ADGRG4: variants seen among roughly 807,000 people sequenced by gnomAD.
The protein encoded by ADGRG4 is adhesion G protein-coupled receptor G4.
In ADGRG4, 122 loss-of-function variants were observed where a neutral mutation model predicts 126.2. The observed-to-expected ratio is 0.97, with a 90% confidence interval of 0.83 to 1.12. The LOEUF is 1.12. Among genes scored for constraint, ADGRG4 ranks in the 50% most tolerant of loss-of-function variants. ADGRG4 has a pLI of 0.00. For missense variants in ADGRG4, 2,481 were observed against 2,251.8 expected (o/e 1.10, Z -2.06); for synonymous variants, 943 against 838.7 (o/e 1.12, Z -2.15).
At chrX:136,381,665 G>A (rs1229509717) in intron 15 of ADGRG4, among the ~76,000 whole-genome samples, 1 of 110,359 alleles carries the variant, frequency 9.1e-6, no homozygotes, top group Non-Finnish European at 1.9e-5. Flanking sequence ...GAACTAGTAG[G>A]ATATATATGT....
Position 136,347,405 on chromosome X carries a change from A to G in ADGRG4, c.3699A>G (p.Ser1233=), listed in dbSNP as rs1421400449. The G allele has an allele frequency of 8.3e-7, 1 of 1,208,831 alleles. No individual in the cohort carries two copies. Among genetic ancestry groups the G allele is most frequent in the Non-Finnish European group, 1.1e-6 (1 of 894,267 alleles). The change falls in exon 6 of 26, where the codon TCA becomes TCG. Residue 1233 remains serine (S), a synonymous_variant. Coordinates refer to ENST00000394143, the MANE Select transcript of ADGRG4 (RefSeq NM_153834.4). ...CTTCAGTAAACAGTCACATTTCTTC[A>G]TCTGCCACATATCGTGTACACACAC... The part of the protein sequence containing the change: ...LTTSVNSHIS[S]SATYRVHTPV...
intron 13 of ADGRG4, 80 bp downstream of exon 13, chrX:136,363,675 T>C (rs2075141625): frequency 4.8e-6 from 3 of 630,012 alleles, no homozygotes; most frequent in Non-Finnish European, 8.0e-6. Flanking sequence ...AGAGAGAGTA[T>C]AGGCAAACCC....
intron 11 of ADGRG4, among the ~76,000 whole-genome samples, chrX:136,360,932 G>T (rs1030682989): frequency 9.0e-6 from 1 of 111,441 alleles, no homozygotes; most frequent in African/African-American, 3.3e-5. Flanking sequence ...TGGGCAATTG[G>T]TAGGTGGGAA....
At chrX:136,396,523 A>T (rs1355407159) in intron 19 of ADGRG4, among the ~76,000 whole-genome samples, 4 of 94,432 alleles carry the variant, frequency 4.2e-5, no homozygotes, top group African/African-American at 1.6e-4. Context: ...GAGTCCAGGG[A>T]GGTTGAGGCT....
chrX:136,329,688 G>C (rs1288117894), intron 5 of ADGRG4, among the ~76,000 whole-genome samples: 2 of 79,693 alleles, frequency 2.5e-5, no homozygotes, highest in Non-Finnish European at 4.9e-5. Flanking sequence ...TTTTTTTTTT[G>C]AGATAAGGTC....
chrX:136,329,800 C>A (rs755531662), intron 5 of ADGRG4, among the ~76,000 whole-genome samples: 1 of 110,080 alleles, frequency 9.1e-6, no homozygotes, highest in African/African-American at 3.3e-5. Flanking sequence ...AGCCACCCCA[C>A]CCCGAGTAGC....
chrX:136,399,774 G>A, intron 20 of ADGRG4, 74 bp from the exon 21 acceptor site: 4 of 868,533 alleles, frequency 4.6e-6, no homozygotes, highest in Non-Finnish European at 6.5e-6. Flanking sequence ...TTATTATGTA[G>A]ATAAGATGTG....
chrX:136,397,676 T>C (rs927957990), intron 19 of ADGRG4, among the ~76,000 whole-genome samples: 2 of 111,108 alleles, frequency 1.8e-5, no homozygotes, highest in Non-Finnish European at 3.8e-5. Flanking sequence ...TGGCTCCCCA[T>C]GCCCTGTACA....
chrX:136,370,798 G>A (rs969275497), intron 13 of ADGRG4, among the ~76,000 whole-genome samples: 17 of 111,723 alleles, frequency 1.5e-4, no homozygotes, highest in Admixed American at 4.7e-4. Flanking sequence ...ATAATAAAAA[G>A]TGAAGAAAAA....
Position 136,344,666 on chromosome X carries a change from T to C in ADGRG4, c.960T>C (p.Thr320=). 2 of 1,209,762 alleles carry C rather than the reference T, an allele frequency of 1.7e-6. No homozygotes were observed. The highest frequency in any genetic ancestry group is 1.1e-6 in the Non-Finnish European group (1 of 893,790). The part of the protein sequence containing the change: ...TATFAVDVLS[T]SSAISLPTQS... ...CATTTGCAGTGGATGTTTTATCAACTTCATCAGCCATCTCTCTGCCTACCC... is the reference window on the plus strand; with the variant it reads ...CATTTGCAGTGGATGTTTTATCAACCTCATCAGCCATCTCTCTGCCTACCC... The change falls in exon 6 of 26, where the codon ACT becomes ACC. Residue 320 remains threonine, a synonymous_variant. Coordinates refer to ENST00000394143, the MANE Select transcript of ADGRG4 (RefSeq NM_153834.4).
rs1022179325 is a variant in ADGRG4, at chrX:136,346,255, T to C, written c.2549T>C (p.Met850Thr). Residue 850 changes from methionine to threonine, a missense_variant, in exon 6 of 26, where the codon ATG (methionine) becomes ACG (threonine). Coordinates refer to ENST00000394143, the MANE Select transcript of ADGRG4 (RefSeq NM_153834.4). The part of the protein sequence containing the change: ...TRKEATSHYL[M>T]RKSTIAAVAE... ...AAAGAAGCAACTTCCCATTATCTTA[T>C]GAGAAAATCAACTATAGCAGCAGTG... 10 of 1,210,325 alleles carry C rather than the reference T, an allele frequency of 8.3e-6. No individual in the cohort carries two copies. The Admixed American group carries it at 2.2e-4, about 26-fold the overall frequency.
chrX:136,393,587 AT>A lies in ADGRG4; in HGVS notation c.8080+12del. The A allele has an allele frequency of 8.4e-7, 1 of 1,188,637 alleles. No homozygotes were observed. Among genetic ancestry groups the A allele is most frequent in the Non-Finnish European group, 1.1e-6 (1 of 876,154 alleles). On this transcript the variant is annotated splice_region_variant and intron_variant, in intron 18 of 25. Transcript: ENST00000394143. ...TGGGATTTTGAGAATAATAGTAAGT[AT>A]TTTTGTTAGCAACTTTGACTTTGCC...
rs2075124111 is a variant in ADGRG4 at position 136,360,868 on chromosome X, C to T, written c.7145-587C>T. ...GGCCATTCCAGAGAGAGAAGTTCGT[C>T]TATAGTCTCCTGTCTTTGGATATAA... On this transcript the variant is annotated intron_variant, in intron 11 of 25. Coordinates refer to ENST00000394143, the MANE Select transcript of ADGRG4 (RefSeq NM_153834.4). Among the ~76,000 whole-genome samples, 9 of 111,939 alleles carry T rather than the reference C, an allele frequency of 8.0e-5. No individual in the cohort carries two copies. The Admixed American group carries it at 8.6e-4, about 11-fold the overall frequency.
rs921187141 is a variant in ADGRG4, at chrX:136,403,180, G to A, written c.8576-64G>A. On this transcript the variant is annotated intron_variant, in intron 21 of 25. Coordinates refer to ENST00000394143, the MANE Select transcript of ADGRG4 (RefSeq NM_153834.4). ...GTGTCTTAATGTATCATCACCCACA[G>A]TCATTGATTAGGTTGCCTCCCTGCT... The A allele has an allele frequency of 3.4e-5, 28 of 833,061 alleles. 1 individual carries two copies. In the East Asian group the frequency reaches 8.4e-4, roughly 25 times the overall value. 68.7% of individuals were successfully genotyped at this position (833,061 alleles called of 1,213,427 possible). A position where few individuals can be genotyped will look rare whatever the true frequency, so the allele number is the denominator to read the frequency against.
At chrX:136,392,172 T>A (rs1447924617) in intron 16 of ADGRG4, 60 bp from the exon 17 acceptor site, 2 of 996,471 alleles carry the variant, frequency 2.0e-6, no homozygotes, top group African/African-American at 3.8e-5. Context: ...CCAGATTGAT[T>A]ATTAATATGT....
intron 4 of ADGRG4, among the ~76,000 whole-genome samples, chrX:136,319,191 T>C (rs1433040379): frequency 8.9e-6 from 1 of 112,560 alleles, no homozygotes; most frequent in African/African-American, 3.2e-5. Flanking sequence ...CTTGTCACAG[T>C]CTGGCCTCCT....
Position 136,412,306 on chromosome X carries a change from G to A in ADGRG4, c.8977G>A (p.Val2993Met). ...FVFHCVMKES[V>M]REQWQIHLCC... ...GTTTCACTGTGTGATGAAGGAGAGT[G>A]TGCGGGAGCAGTGGCAGATACACCT... Residue 2993 changes from valine to methionine, a missense_variant, in exon 24 of 26, where the codon GTG becomes ATG. Physicochemically the swap from Val to Met is conservative, Grantham distance 21. Transcript: ENST00000394143. 8.3e-7 allele frequency: 1 copy of A among 1,204,903 alleles called. No individual in the cohort carries two copies. The highest frequency in any genetic ancestry group is 1.1e-6 in the Non-Finnish European group (1 of 889,024).
intron 13 of ADGRG4, among the ~76,000 whole-genome samples, chrX:136,366,036 G>T (rs781185810): frequency 4.5e-5 from 5 of 111,857 alleles, no homozygotes; most frequent in Non-Finnish European, 9.4e-5. Flanking sequence ...CTGACACATC[G>T]TTATCACCAA....
Position 136,362,250 on chromosome X carries a change from T to C in ADGRG4, c.7277+663T>C, listed in dbSNP as rs189073169. Among the ~76,000 whole-genome samples the C allele has an allele frequency of 1.2e-4, 13 of 111,263 alleles. No homozygotes were observed. In the East Asian group the frequency reaches 3.7e-3, roughly 32 times the overall value. On this transcript the variant is annotated intron_variant, in intron 12 of 25. Coordinates refer to ENST00000394143, the MANE Select transcript of ADGRG4 (RefSeq NM_153834.4). The stretch of plus-strand genomic sequence containing the variant: ...AAAGCACTCTTTTAGAAAGCAACAT[T>C]AGGGGCTTTCCTTTTCCTCCCTGTG...
Sources: gnomAD v4.1 joint callset for allele counts (sites outside exome capture counted in the v4.1 genomes callset) on GRCh38, gnomAD v4.1.1 for gene constraint, MANE v1.5 for transcripts, NCBI Gene and HGNC (gene_info 2026-07-23, HGNC 2026-07-21) for gene names.